MINAR2: variants seen among roughly 807,000 people sequenced by gnomAD.
The protein encoded by MINAR2 is membrane integral NOTCH2 associated receptor 2.
MINAR2 carries 21 observed loss-of-function variants against 16.1 expected under a neutral mutation model. That is an observed-to-expected ratio of 1.31 (90% CI 0.93 to 1.88). The LOEUF is 1.88. Among genes scored for constraint, MINAR2 ranks in the 40% most tolerant of loss-of-function variants. The pLI is 0.00. For missense variants in MINAR2, 259 were observed against 229.8 expected (o/e 1.13, Z -0.82); for synonymous variants, 86 against 83.0 (o/e 1.04, Z -0.20).
rs11242004 is a variant in MINAR2, at chr5:129,752,386, G to A, written c.165+4031G>A. ...GCACACATACACCATGGAATACTAT[G>A]CAGCCATAGAAAAGGATGAGTTCAT... On this transcript the variant is annotated intron_variant, in intron 1 of 2. Transcript: ENST00000564719. Among the ~76,000 whole-genome samples the A allele has an allele frequency of 7.9e-5, 12 of 152,080 alleles. 1 individual carries two copies. The highest frequency in any genetic ancestry group is 6.5e-4 in the Admixed American group (10 of 15,284).
intron 1 of MINAR2, among the ~76,000 whole-genome samples, chr5:129,753,340 C>T (rs1758009863): frequency 1.3e-5 from 2 of 151,698 alleles, no homozygotes; most frequent in African/African-American, 4.8e-5. Context: ...AAAAATTAGC[C>T]TCCCGTGGTG....
At chr5:129,760,289 C>A in intron 1 of MINAR2, 89 bp from the exon 2 acceptor site, 2 of 949,070 alleles carry the variant, frequency 2.1e-6, no homozygotes, top group South Asian at 3.0e-5. Context: ...TGCACAAAAT[C>A]AGCACATTAT....
At chr5:129,760,883 G>T (rs538347521) in intron 2 of MINAR2, among the ~76,000 whole-genome samples, 1 of 152,188 alleles carries the variant, frequency 6.6e-6, no homozygotes, top group South Asian at 2.1e-4. Flanking sequence ...AGGGTAAAAG[G>T]TTTATTGAAA....
At chr5:129,750,438 T>C (rs572320947) in intron 1 of MINAR2, among the ~76,000 whole-genome samples, 3 of 152,254 alleles carry the variant, frequency 2.0e-5, no homozygotes, top group African/African-American at 7.2e-5. Flanking sequence ...GGGAAGAACA[T>C]GGAATAAAGA....
chr5:129,752,954 G>A (rs1025834303), intron 1 of MINAR2, among the ~76,000 whole-genome samples: 4 of 152,064 alleles, frequency 2.6e-5, no homozygotes, highest in Admixed American at 1.3e-4. Context: ...GGCTAAGGGC[G>A]AGAGGCTGCT....
intron 1 of MINAR2, among the ~76,000 whole-genome samples, chr5:129,759,032 G>T (rs1758091549): frequency 6.6e-6 from 1 of 151,956 alleles, no homozygotes; most frequent in Non-Finnish European, 1.5e-5. Context: ...ACACCGAAGA[G>T]AATGGGAATG....
intron 1 of MINAR2, 78 bp from the exon 2 acceptor site, chr5:129,760,300 C>A: frequency 9.8e-7 from 1 of 1,024,638 alleles, no homozygotes; most frequent in Non-Finnish European, 1.5e-6. Context: ...AGCACATTAT[C>A]AGGTAGTTAT....
In MINAR2 at chr5:129,765,800, A is replaced by T. The variant is rs1025022583; in HGVS notation, c.*737A>T. 4 of 152,184 alleles carry T rather than the reference A, an allele frequency of 2.6e-5. No individual in the cohort carries two copies. Among genetic ancestry groups the T allele is most frequent in the African/African-American group, 9.7e-5 (4 of 41,432 alleles). 9.4% of individuals were successfully genotyped at this position (152,184 alleles called of 1,614,324 possible). On this transcript the variant is annotated 3_prime_UTR_variant, in exon 3 of 3. Transcript: ENST00000564719. ...CCCTGGTGGCAGTCAGTGTGCATAT[A>T]TTACCAACCATGGTCTAGGTTGGGG...
intron 1 of MINAR2, among the ~76,000 whole-genome samples, chr5:129,756,168 A>AT (rs1246829679): frequency 6.6e-6 from 1 of 152,022 alleles, no homozygotes; most frequent in Non-Finnish European, 1.5e-5. Context: ...GGTCCAAGTG[A>AT]TTTTGAGTCT....
rs992736992 is a variant in MINAR2, at chr5:129,765,792, G to A, written c.*729G>A. 1 of 152,130 alleles carries A rather than the reference G, an allele frequency of 6.6e-6. No homozygotes were observed. The highest frequency in any genetic ancestry group is 6.6e-5 in the Admixed American group (1 of 15,264). 9.4% of individuals were successfully genotyped at this position (152,130 alleles called of 1,614,324 possible). ...GCTGTGACCCCTGGTGGCAGTCAGTGTGCATATATTACCAACCATGGTCTA... is the reference window on the plus strand; with the variant it reads ...GCTGTGACCCCTGGTGGCAGTCAGTATGCATATATTACCAACCATGGTCTA... On this transcript the variant is annotated 3_prime_UTR_variant, in exon 3 of 3. Transcript: ENST00000564719.
chr5:129,759,471 T>A (rs1240855996), intron 1 of MINAR2, among the ~76,000 whole-genome samples: 1 of 152,162 alleles, frequency 6.6e-6, no homozygotes, highest in Admixed American at 6.6e-5. Context: ...ACCTTCATGA[T>A]AGCTTGATAT....
chr5:129,755,987 A>G (rs891108268), intron 1 of MINAR2, among the ~76,000 whole-genome samples: 12 of 152,220 alleles, frequency 7.9e-5, no homozygotes, highest in Admixed American at 6.6e-4. Context: ...TTTCAGATCC[A>G]GCCAACAATT....
chr5:129,760,551 C>A lies in MINAR2; in HGVS notation c.339C>A (p.Thr113=). 6.5e-7 allele frequency: 1 copy of A among 1,535,596 alleles called. No individual in the cohort carries two copies. Among genetic ancestry groups the A allele is most frequent in the Non-Finnish European group, 8.7e-7 (1 of 1,146,526 alleles). ...MEERKKNPSW[T]IEEYDKHSLH... ...AAAGAAAAAAGAACCCCTCATGGACCATTGAGGAATATGACAAACATTCCC... is the reference window on the plus strand; with the variant it reads ...AAAGAAAAAAGAACCCCTCATGGACAATTGAGGAATATGACAAACATTCCC... The change falls in exon 2 of 3, where the codon ACC becomes ACA. Residue 113 remains threonine (T), a synonymous_variant. Transcript: ENST00000564719.
intron 1 of MINAR2, among the ~76,000 whole-genome samples, chr5:129,751,397 T>C (rs961279106): frequency 3.3e-5 from 5 of 151,950 alleles, no homozygotes; most frequent in Admixed American, 6.6e-5. Flanking sequence ...TTAGTAGAGA[T>C]GGGGTTTCAC....
At chr5:129,755,646 G>A (rs10072995) in intron 1 of MINAR2, among the ~76,000 whole-genome samples, 2 of 151,948 alleles carry the variant, frequency 1.3e-5, no homozygotes, top group East Asian at 3.9e-4. Flanking sequence ...AATTTCTGCT[G>A]TGTCTCTTGT....
intron 1 of MINAR2, among the ~76,000 whole-genome samples, chr5:129,750,271 G>A (rs1443687544): frequency 6.6e-6 from 1 of 152,156 alleles, no homozygotes; most frequent in African/African-American, 2.4e-5. Flanking sequence ...TGGCCATATA[G>A]AAGTTTTAAA....
chr5:129,750,803 G>A (rs940247358), intron 1 of MINAR2, among the ~76,000 whole-genome samples: 7 of 152,176 alleles, frequency 4.6e-5, no homozygotes, highest in Admixed American at 2.0e-4. Context: ...ATGTGTGCAC[G>A]CATGCACGTG....
In MINAR2 at chr5:129,766,657, C is replaced by CAAAAAAAA. The variant is rs61546560; in HGVS notation, c.*1597_*1598insAAAAAAAA. 2 of 111,712 alleles carry CAAAAAAAA rather than the reference C, an allele frequency of 1.8e-5. No individual in the cohort carries two copies. The highest frequency in any genetic ancestry group is 9.1e-5 in the Admixed American group (1 of 11,006). The allele number at this position is 111,712 out of a possible 1,614,324, so 6.9% of individuals were successfully genotyped here. A position where few individuals can be genotyped will look rare whatever the true frequency, so the allele number is the denominator to read the frequency against. On this transcript the variant is annotated 3_prime_UTR_variant, in exon 3 of 3. Transcript: ENST00000564719. ...CATAAAAAAAAAAAAAAAAAAAAAA[C>CAAAAAAAA]AAACAAACAAACAAAAAAAACCCCA...
rs11430431 is a variant in MINAR2, at chr5:129,755,525, A to ATT, written c.166-4844_166-4843dup. On this transcript the variant is annotated intron_variant, in intron 1 of 2. Transcript: ENST00000564719. Reference sequence around the variant, plus strand: ...TAGTCAAATTATCACAGGTTTGTTAATTTTTTTTTTAGTTTTTCTTAAATA... The same window carrying ATT: ...TAGTCAAATTATCACAGGTTTGTTAATTTTTTTTTTTTAGTTTTTCTTAAATA... 1.1e-3 allele frequency among the ~76,000 whole-genome samples: 165 copies of ATT among 150,696 alleles called. No homozygotes were observed. The East Asian group carries it at 0.023, about 21-fold the overall frequency.
Sources: allele counts gnomAD v4.1 joint callset (sites outside exome capture counted in the v4.1 genomes callset), GRCh38; gene constraint gnomAD v4.1.1; transcripts MANE v1.5; gene names NCBI Gene and HGNC (gene_info 2026-07-23, HGNC 2026-07-21).